Variants in SP140 observed in about 807,000 individuals in gnomAD.
The protein encoded by SP140 is nuclear body protein SP140.
In SP140, 81 loss-of-function variants were observed where a neutral mutation model predicts 125.0. The ratio of observed to expected loss-of-function variants is 0.65; its 90% CI spans 0.54 to 0.78. The LOEUF is 0.78. Ranked by LOEUF, SP140 falls within the 30% of genes least tolerant of loss-of-function variation. The pLI, the probability that SP140 is intolerant of heterozygous loss-of-function variation, is 0.00. For synonymous variants in SP140, 312 were observed against 354.0 expected (o/e 0.88, Z 1.33); for missense variants, 858 against 1,037.0 (o/e 0.83, Z 2.37).
At chr2:230,267,954 G>C (rs2053376136) in intron 12 of SP140, among the ~76,000 whole-genome samples, 1 of 152,128 alleles carries the variant, frequency 6.6e-6, no homozygotes, top group African/African-American at 2.4e-5. Flanking sequence ...CTGTCTAATG[G>C]ACCCACATCC....
At chr2:230,208,451 A>G (rs1034848696) in intron 1 of SP140, among the ~76,000 whole-genome samples, 23 of 152,218 alleles carry the variant, frequency 1.5e-4, no homozygotes, top group African/African-American at 5.3e-4. Flanking sequence ...CATGGATACT[A>G]TAAGATGAGG....
chr2:230,216,756 CA>C, intron 3 of SP140: 1 of 1,613,174 alleles, frequency 6.2e-7, no homozygotes, highest in Non-Finnish European at 8.5e-7. Flanking sequence ...GCTGGGCTGC[CA>C]TGGAAGGGTT....
At chr2:230,221,584 A>G, upstream of SP140, 8 of 995,954 alleles carry the variant, frequency 8.0e-6, no homozygotes, top group Non-Finnish European at 1.2e-5. Flanking sequence ...ATTCAATGCT[A>G]ACAGCTGAGG....
intron 22 of SP140, among the ~76,000 whole-genome samples, chr2:230,309,512 C>T (rs1184647652): frequency 6.6e-6 from 1 of 152,200 alleles, no homozygotes; most frequent in Admixed American, 6.5e-5. Context: ...ATCTCAGAAG[C>T]TTATTCCATC....
intron 15 of SP140, among the ~76,000 whole-genome samples, chr2:230,271,466 G>T (rs2053917433): frequency 6.6e-6 from 1 of 152,186 alleles, no homozygotes; most frequent in Non-Finnish European, 1.5e-5. Context: ...GGATCATCAT[G>T]AGCAGACTGT....
chr2:230,203,146 G>A (rs1223447759), exon 1 of SP140: 4 of 224,512 alleles, frequency 1.8e-5, no homozygotes, highest in Admixed American at 1.0e-4. Flanking sequence ...GTTTCTAGGT[G>A]CCTTCAGTGG....
At chr2:230,316,232 G>GT (rs2059482838), downstream of SP140, among the ~76,000 whole-genome samples, 1 of 152,160 alleles carries the variant, frequency 6.6e-6, no homozygotes. Context: ...GGAGAGAAAC[G>GT]TTACAAAGAT....
At chr2:230,225,516 C>T, upstream of SP140, 1 of 401,490 alleles carries the variant, frequency 2.5e-6, no homozygotes. Context: ...TTTACTTCCT[C>T]CTCATGATGC....
At chr2:230,209,383 A>C (rs2148904030) in intron 1 of SP140, among the ~76,000 whole-genome samples, 1 of 152,308 alleles carries the variant, frequency 6.6e-6, no homozygotes. Flanking sequence ...TTGAAATGAC[A>C]GAAAAGCAGC....
At chr2:230,228,849 G>C (rs1201842832) in intron 1 of SP140, among the ~76,000 whole-genome samples, 1 of 152,004 alleles carries the variant, frequency 6.6e-6, no homozygotes, top group Non-Finnish European at 1.5e-5. Flanking sequence ...GTACTCTGTT[G>C]ATCTCTTGTC....
In SP140 at chr2:230,269,925, G is replaced by A. The variant is rs746712057; in HGVS notation, c.1416G>A (p.Thr472=). 1.3e-5 allele frequency: 21 copies of A among 1,613,812 alleles called. No individual in the cohort carries two copies. Among genetic ancestry groups the A allele is most frequent in the South Asian group, 2.2e-5 (2 of 91,082 alleles). Residue 472 remains threonine (T), a synonymous_variant, in exon 14 of 27, where the codon ACG becomes ACA. Transcript: ENST00000392045. ...EEVPGSPEAR[T]ESDQACGTMD... ...TGCCAGGAAGCCCAGAAGCAAGGAC[G>A]GAAAGTGATCAAGCGTGTGGCACAA... is the stretch of plus-strand genomic sequence containing the variant.
chr2:230,242,496 T>G (rs761293541), intron 4 of SP140, among the ~76,000 whole-genome samples: 1 of 152,222 alleles, frequency 6.6e-6, no homozygotes, highest in Non-Finnish European at 1.5e-5. Flanking sequence ...ATCTCCACTC[T>G]AAATTATCTT....
In SP140 at chr2:230,312,900, G is replaced by A. The variant is rs140313278; in HGVS notation, c.*216G>A. The A allele has an allele frequency of 2.1e-3, 931 of 437,414 alleles. 8 individuals are homozygous for A. The highest frequency in any genetic ancestry group is 0.017 in the African/African-American group (832 of 48,826). 27.1% of individuals were successfully genotyped at this position (437,414 alleles called of 1,614,324 possible). A position where few individuals can be genotyped will look rare whatever the true frequency, so the allele number is the denominator to read the frequency against. On this transcript the variant is annotated 3_prime_UTR_variant, in exon 27 of 27. Transcript: ENST00000392045. ...TATCTCATCAGCCAGGGAAGAGTAA[G>A]TGGGATCACAGGGAAGGATGTTGGC...
intron 9 of SP140, among the ~76,000 whole-genome samples, chr2:230,249,245 G>A (rs969370837): frequency 8.5e-5 from 13 of 152,184 alleles, no homozygotes; most frequent in African/African-American, 1.4e-4. Flanking sequence ...AGAGAAGTGC[G>A]TGGGTGATGT....
chr2:230,298,875 T>G (rs2058016295), intron 22 of SP140, among the ~76,000 whole-genome samples: 1 of 152,226 alleles, frequency 6.6e-6, no homozygotes, highest in African/African-American at 2.4e-5. Context: ...GAATTGCCTA[T>G]TCTGTCACCT....
chr2:230,228,972 CTTT>C (rs1245966734), intron 1 of SP140, among the ~76,000 whole-genome samples: 3 of 151,956 alleles, frequency 2.0e-5, no homozygotes, highest in South Asian at 4.2e-4. Context: ...TCTTTTCTTC[CTTT>C]TTTCCTGCCT....
chr2:230,242,804 G>A (rs1272064493), intron 4 of SP140, among the ~76,000 whole-genome samples: 2 of 151,954 alleles, frequency 1.3e-5, no homozygotes, highest in Non-Finnish European at 2.9e-5. Flanking sequence ...GGTTGCCCCT[G>A]GCCTGTCCAT....
At chr2:230,202,570 C>T (rs774635834), upstream of SP140, 2 of 1,613,806 alleles carry the variant, frequency 1.2e-6, no homozygotes, top group Non-Finnish European at 1.7e-6. Flanking sequence ...ATTCCATCAT[C>T]AGCCTTACCC....
At chr2:230,205,881 T>C (rs565997242) in intron 1 of SP140, among the ~76,000 whole-genome samples, 52 of 152,262 alleles carry the variant, frequency 3.4e-4, no homozygotes, top group African/African-American at 1.2e-3. Flanking sequence ...GTGAGAGTGA[T>C]TGACAAAGCT....
Sources: allele counts gnomAD v4.1 joint callset (sites outside exome capture counted in the v4.1 genomes callset), GRCh38; gene constraint gnomAD v4.1.1; transcripts MANE v1.5; gene names NCBI Gene and HGNC (gene_info 2026-07-23, HGNC 2026-07-21).